The following SUPT6H variants were observed in gnomAD, a reference collection of about 807,000 sequenced individuals.
The protein encoded by SUPT6H is SPT6 homolog, histone chaperone and transcription elongation factor.
A neutral mutation model predicts 222.3 loss-of-function variants in SUPT6H; 11 were observed. That is an observed-to-expected ratio of 0.05 (90% CI 0.03 to 0.08). The LOEUF is 0.08. Among genes scored for constraint, SUPT6H ranks in the 10% least tolerant of loss-of-function variants. SUPT6H has a pLI of 1.00. For synonymous variants in SUPT6H, 762 were observed against 801.2 expected (o/e 0.95, Z 0.83); for missense variants, 1,422 against 2,216.0 (o/e 0.64, Z 7.19).
chr17:28,698,161 G>A (rs2032001373), intron 32 of SUPT6H, 131 bp downstream of exon 32: 1 of 1,276,374 alleles, frequency 7.8e-7, no homozygotes, highest in South Asian at 1.7e-5. Flanking sequence ...TTAGAACAGA[G>A]GTGGAGGTTG....
At chr17:28,697,870 T>G in intron 31 of SUPT6H, 36 bp from the exon 32 acceptor site, 1 of 1,611,426 alleles carries the variant, frequency 6.2e-7, no homozygotes. Flanking sequence ...CCAAGCATGC[T>G]GCTATCCCAA....
intron 7 of SUPT6H, among the ~76,000 whole-genome samples, chr17:28,676,958 G>C (rs1361983244): frequency 1.3e-5 from 2 of 152,082 alleles, no homozygotes; most frequent in Non-Finnish European, 2.9e-5. Flanking sequence ...GCCAGGCACG[G>C]TGGTTCACAC....
intron 15 of SUPT6H, 49 bp from the exon 16 acceptor site, chr17:28,683,219 C>A: frequency 6.3e-7 from 1 of 1,599,604 alleles, no homozygotes; most frequent in Non-Finnish European, 8.5e-7. Context: ...TCTCCTGGGG[C>A]CTGGCCCAGC....
intron 1 of SUPT6H, among the ~76,000 whole-genome samples, chr17:28,671,482 C>A (rs2151610294): frequency 6.6e-6 from 1 of 152,302 alleles, no homozygotes; most frequent in South Asian, 2.1e-4. Flanking sequence ...ATCCCATAGA[C>A]CATTTTACTG....
At chr17:28,701,329 A>G in intron 36 of SUPT6H, 110 bp from the exon 37 acceptor site, 1 of 1,444,358 alleles carries the variant, frequency 6.9e-7, no homozygotes, top group Non-Finnish European at 9.4e-7. Context: ...TTATCCCAGT[A>G]GAGGGGCTGC....
At position 28,695,445 on chromosome 17, in the gene SUPT6H, A is replaced by T. The variant is rs1421799155; in HGVS notation, c.3868A>T (p.Asn1290Tyr). The T allele has an allele frequency of 6.2e-7, 1 of 1,614,120 alleles. No individual in the cohort carries two copies. Among genetic ancestry groups the T allele is most frequent in the South Asian group, 1.1e-5 (1 of 91,074 alleles). ...TCRTSDLMDR[N>Y]NEWKLPKDTY... ...CCGCACCTCAGACCTCATGGACAGGAACAATGAGTGGAAGCTGCCCAAAGA... is the reference window on the plus strand; with the variant it reads ...CCGCACCTCAGACCTCATGGACAGGTACAATGAGTGGAAGCTGCCCAAAGA... The change falls in exon 29 of 37, where the codon AAC (asparagine) becomes TAC (tyrosine). Residue 1290 changes from asparagine to tyrosine, a missense_variant. Physicochemically the swap from Asn to Tyr is moderately radical, Grantham distance 143 (BLOSUM62 -2). Transcript: ENST00000314616.
At chr17:28,665,121 A>G (rs142916351) in intron 1 of SUPT6H, among the ~76,000 whole-genome samples, 50 of 152,200 alleles carry the variant, frequency 3.3e-4, no homozygotes, top group Non-Finnish European at 6.3e-4. Flanking sequence ...GTGACTTTCC[A>G]TGGCCTTTAC....
Position 28,674,454 on chromosome 17 carries a change from T to C in SUPT6H, c.268+13T>C, listed in dbSNP as rs200307228. On this transcript the variant is annotated intron_variant, in intron 3 of 36. Coordinates refer to ENST00000314616, the MANE Select transcript of SUPT6H (RefSeq NM_003170.5). ...AAGAGAAAACGCAGTGAGTAGTCTG[T>C]CGTTGGCTCAAGTGAGGCTTGGGTG... is the stretch of plus-strand genomic sequence containing the variant. 90 of 1,614,156 alleles carry C rather than the reference T, an allele frequency of 5.6e-5. No homozygotes were observed. The highest frequency in any genetic ancestry group is 3.1e-4 in the East Asian group (14 of 44,896).
rs1445149605 is a variant in SUPT6H at position 28,700,414 on chromosome 17, G to A, written c.4708G>A (p.Val1570Met). ...ACAGATGTTCAGTGCCATTGCTGCGGTGACAGGCCAAGGACAGAACCCTAA... is the reference window on the plus strand; with the variant it reads ...ACAGATGTTCAGTGCCATTGCTGCGATGACAGGCCAAGGACAGAACCCTAA... ...TSQMFSAIAA[V>M]TGQGQNPNAT... is the part of the protein sequence containing the mutation. Residue 1570 changes from valine (V) to methionine (M), a missense_variant, in exon 35 of 37, where the codon GTG (valine) becomes ATG (methionine). Val to Met is a conservative substitution (Grantham distance 21). This residue lies in a region of SUPT6H where 395 missense variants were observed against 580.6 expected (regional missense o/e 0.68). Coordinates refer to ENST00000314616, the MANE Select transcript of SUPT6H (RefSeq NM_003170.5). 2.5e-6 allele frequency: 4 copies of A among 1,614,138 alleles called. No individual in the cohort carries two copies. Among genetic ancestry groups the A allele is most frequent in the African/African-American group, 1.3e-5 (1 of 74,954 alleles).
Position 28,688,883 on chromosome 17 carries a change from A to G in SUPT6H, c.3135-471A>G, listed in dbSNP as rs2031515171. 1 of 165,884 alleles carries G rather than the reference A, an allele frequency of 6.0e-6. No homozygotes were observed. The highest frequency in any genetic ancestry group is 2.4e-5 in the African/African-American group (1 of 41,630). The allele number at this position is 165,884 out of a possible 1,614,324, so 10.3% of individuals were successfully genotyped here. ...CCAGCCTGGGAAGGCTTTATGGGGG[A>G]AAATAGCTATCAGCAAATTTTCAAA... On this transcript the variant is annotated intron_variant, in intron 24 of 36. Coordinates refer to ENST00000314616, the MANE Select transcript of SUPT6H (RefSeq NM_003170.5). This position sits in a 1 kb window ranked among gnomAD's most constrained non-coding sequence, Gnocchi z 4.3.
At chr17:28,686,931 T>TA (rs549645305) in intron 21 of SUPT6H, 142 bp downstream of exon 21, 6 of 1,476,428 alleles carry the variant, frequency 4.1e-6, no homozygotes, top group South Asian at 1.3e-5. Context: ...GTTTTGCAGT[T>TA]ACGGTTCAGA....
Position 28,681,869 on chromosome 17 carries a change from GT to G in SUPT6H, c.1499-9del, listed in dbSNP as rs1567694001. The stretch of plus-strand genomic sequence containing the variant: ...AAACTAGAACCCTAAATCTCCCCAT[GT>G]TTTCTTCCCAGGTGAAGGTGACGAG... On this transcript the variant is annotated splice_polypyrimidine_tract_variant and intron_variant, in intron 12 of 36. Transcript: ENST00000314616. 1 of 1,601,278 alleles carries G rather than the reference GT, an allele frequency of 6.2e-7. No individual in the cohort carries two copies. The highest frequency in any genetic ancestry group is 1.7e-5 in the Admixed American group (1 of 57,492).
chr17:28,689,254 G>T, intron 24 of SUPT6H, 100 bp from the exon 25 acceptor site: 1 of 1,046,728 alleles, frequency 9.6e-7, no homozygotes, highest in East Asian at 2.4e-5. Context: ...TTGTATGGAG[G>T]TGCCCTAATT....
intron 1 of SUPT6H, among the ~76,000 whole-genome samples, chr17:28,669,027 A>G (rs2030256663): frequency 6.6e-6 from 1 of 152,174 alleles, no homozygotes; most frequent in South Asian, 2.1e-4. Context: ...GGACCCCTTT[A>G]TACTCTTAAA....
At chr17:28,684,305 G>C (rs367733659) in intron 17 of SUPT6H, among the ~76,000 whole-genome samples, 84 of 152,204 alleles carry the variant, frequency 5.5e-4, no homozygotes, top group African/African-American at 1.9e-3. Flanking sequence ...AAGGCCACAG[G>C]GACCACCTCT....
intron 20 of SUPT6H, 62 bp from the exon 21 acceptor site, chr17:28,686,592 G>A: frequency 6.5e-7 from 1 of 1,547,884 alleles, no homozygotes; most frequent in East Asian, 2.3e-5. Flanking sequence ...CACCCCCAAG[G>A]CAGTCATGAG....
chr17:28,685,469 T>C (rs904863919), intron 19 of SUPT6H, among the ~76,000 whole-genome samples: 5 of 112,416 alleles, frequency 4.4e-5, no homozygotes, highest in Admixed American at 3.0e-4. Flanking sequence ...ATTTTATTAT[T>C]ATCATTATTA....
At position 28,662,631 on chromosome 17, in the gene SUPT6H, G is replaced by T. The variant is rs546655500; in HGVS notation, c.-32+289G>T. On this transcript the variant is annotated intron_variant, in intron 1 of 36. Transcript: ENST00000314616. The stretch of plus-strand genomic sequence containing the variant: ...TCTCTCCGCAGGTTTTTAAAACTGG[G>T]CCACGCAAAAGGATTGGGGATGGAA... Among the ~76,000 whole-genome samples the T allele has an allele frequency of 2.6e-5, 4 of 152,128 alleles. No homozygotes were observed. In the South Asian group the frequency reaches 8.3e-4, roughly 32 times the overall value.
Position 28,677,846 on chromosome 17 carries a change from A to G in SUPT6H, c.999+30A>G, listed in dbSNP as rs772339935. ...ACAAAAAAGATCCTTAGGTTTTGAC[A>G]TGAACCAAAAGACACTTCATCAAGA... is the stretch of plus-strand genomic sequence containing the variant. On this transcript the variant is annotated intron_variant, in intron 8 of 36. Coordinates refer to ENST00000314616, the MANE Select transcript of SUPT6H (RefSeq NM_003170.5). 8.8e-6 allele frequency: 14 copies of G among 1,593,330 alleles called. No individual in the cohort carries two copies. The East Asian group carries it at 1.6e-4, about 18-fold the overall frequency.
Sources: allele counts gnomAD v4.1 joint callset (sites outside exome capture counted in the v4.1 genomes callset), GRCh38; gene constraint gnomAD v4.1.1; regional missense constraint gnomAD v4.1.1; non-coding constraint Gnocchi (gnomAD v3.1); transcripts MANE v1.5; gene names NCBI Gene and HGNC (gene_info 2026-07-23, HGNC 2026-07-21).